Variants in CYB5B observed in about 807,000 individuals in gnomAD.
The protein encoded by CYB5B is cytochrome b5 type B (outer mitochondrial membrane).
CYB5B carries 14 observed loss-of-function variants against 21.3 expected under a neutral mutation model. The ratio of observed to expected loss-of-function variants is 0.66; its 90% CI spans 0.43 to 1.03. The LOEUF (loss-of-function observed/expected upper bound fraction) is 1.03, where lower values mean the gene tolerates loss of function less well. Among genes scored for constraint, CYB5B ranks in the 50% least tolerant of loss-of-function variants. CYB5B has a pLI of 0.00. For synonymous variants in CYB5B, 69 were observed against 68.4 expected (o/e 1.01, Z -0.04); for missense variants, 166 against 185.1 (o/e 0.90, Z 0.60).
At chr16:69,457,843 G>A (rs1169974576) in intron 3 of CYB5B, among the ~76,000 whole-genome samples, 2 of 152,172 alleles carry the variant, frequency 1.3e-5, no homozygotes, top group Non-Finnish European at 2.9e-5. Flanking sequence ...TTGGATATAT[G>A]AAATTAAAAC....
chr16:69,440,539 T>C (rs1219399721), intron 1 of CYB5B, among the ~76,000 whole-genome samples: 1 of 152,180 alleles, frequency 6.6e-6, no homozygotes, highest in African/African-American at 2.4e-5. Flanking sequence ...AATTTCACAG[T>C]ATATATTCTT....
At chr16:69,454,693 C>T (rs909466922) in intron 3 of CYB5B, among the ~76,000 whole-genome samples, 2 of 152,156 alleles carry the variant, frequency 1.3e-5, no homozygotes, top group African/African-American at 4.8e-5. Flanking sequence ...CCTAAATACC[C>T]ATTACATTTG....
At chr16:69,431,394 A>G (rs2014703918) in intron 1 of CYB5B, among the ~76,000 whole-genome samples, 1 of 152,242 alleles carries the variant, frequency 6.6e-6, no homozygotes, top group African/African-American at 2.4e-5. Context: ...GTTAAGTTCT[A>G]TATAGTAGTA....
intron 1 of CYB5B, among the ~76,000 whole-genome samples, chr16:69,439,370 C>T (rs1290287524): frequency 6.6e-6 from 1 of 151,848 alleles, no homozygotes; most frequent in Non-Finnish European, 1.5e-5. Context: ...GCCATCAGGC[C>T]CAGCTAATTT....
Position 69,431,721 on chromosome 16 carries a change from G to A in CYB5B, c.174+6864G>A, listed in dbSNP as rs376576389. Among the ~76,000 whole-genome samples the A allele has an allele frequency of 2.4e-3, 360 of 152,162 alleles. 4 individuals carry two copies. In the Middle Eastern group the frequency reaches 0.041, roughly 17 times the overall value. On this transcript the variant is annotated intron_variant, in intron 1 of 4. Transcript: ENST00000307892. ...CAGGACATCGAGGCTGCAGTGAGCCGAGATAGCACTACTGCACTCCAGCCT... is the reference window on the plus strand; with the variant it reads ...CAGGACATCGAGGCTGCAGTGAGCCAAGATAGCACTACTGCACTCCAGCCT...
chr16:69,464,973 G>A lies in CYB5B; in HGVS notation c.*2453G>A, dbSNP rs1378368998. ...GGTGAAAGCTAAATCTTGTGTGAGA[G>A]TTTGCAGAGGTTTTTCTATACAATA... On this transcript the variant is annotated 3_prime_UTR_variant, in exon 5 of 5. Coordinates refer to ENST00000307892, the MANE Select transcript of CYB5B (RefSeq NM_030579.3). 6.6e-6 allele frequency: 1 copy of A among 152,562 alleles called. No homozygotes were observed. The highest frequency in any genetic ancestry group is 2.4e-5 in the African/African-American group (1 of 41,466). The allele number at this position is 152,562 out of a possible 1,614,324, so 9.5% of individuals were successfully genotyped here. A position where few individuals can be genotyped will look rare whatever the true frequency, so the allele number is the denominator to read the frequency against.
intron 1 of CYB5B, among the ~76,000 whole-genome samples, chr16:69,442,690 A>G (rs2014836403): frequency 6.6e-6 from 1 of 151,912 alleles, no homozygotes; most frequent in African/African-American, 2.4e-5. Context: ...TTTAATTTTT[A>G]AAATTTTTTT....
In CYB5B at chr16:69,464,765, C is replaced by T. The variant is rs1316865794; in HGVS notation, c.*2245C>T. 1.3e-5 allele frequency: 2 copies of T among 152,624 alleles called. No homozygotes were observed. The highest frequency in any genetic ancestry group is 2.9e-5 in the Non-Finnish European group (2 of 68,038). 9.5% of individuals were successfully genotyped at this position (152,624 alleles called of 1,614,324 possible). A position where few individuals can be genotyped will look rare whatever the true frequency, so the allele number is the denominator to read the frequency against. On this transcript the variant is annotated 3_prime_UTR_variant, in exon 5 of 5. Transcript: ENST00000307892. ...CACATTGGTTTTCTTTTCCTGTTTA[C>T]ATCTGCACTTGTTTTTTGCTGAGAG...
Position 69,464,687 on chromosome 16 carries a change from G to GT in CYB5B, c.*2172dup, listed in dbSNP as rs2015070138. Reference sequence around the variant, plus strand: ...AACTACCATCTTAAGTAAAATTGGTGTTTTTGTTATTTTTAAGGTAAATGC... The same window carrying GT: ...AACTACCATCTTAAGTAAAATTGGTGTTTTTTGTTATTTTTAAGGTAAATGC... On this transcript the variant is annotated 3_prime_UTR_variant, in exon 5 of 5. Transcript: ENST00000307892. The GT allele has an allele frequency of 6.6e-6, 1 of 152,634 alleles. No homozygotes were observed. The highest frequency in any genetic ancestry group is 2.1e-4 in the South Asian group (1 of 4,834). 9.5% of individuals were successfully genotyped at this position (152,634 alleles called of 1,614,324 possible).
intron 1 of CYB5B, among the ~76,000 whole-genome samples, chr16:69,434,594 T>C (rs183576531): frequency 2.0e-5 from 3 of 152,098 alleles, no homozygotes; most frequent in African/African-American, 7.2e-5. Context: ...GGCCAGGTGC[T>C]GTGGCTCACG....
chr16:69,447,127 C>T, intron 1 of CYB5B, 23 bp from the exon 2 acceptor site: 1 of 1,610,948 alleles, frequency 6.2e-7, no homozygotes, highest in Non-Finnish European at 8.5e-7. Flanking sequence ...ACCCTCGGTT[C>T]AGTAAATATC....
At chr16:69,456,308 A>G (rs2014983606) in intron 3 of CYB5B, among the ~76,000 whole-genome samples, 1 of 152,082 alleles carries the variant, frequency 6.6e-6, no homozygotes, top group Non-Finnish European at 1.5e-5. Context: ...GCCCAGCCCT[A>G]CTTATTTATT....
chr16:69,439,170 C>T (rs1453705393), intron 1 of CYB5B, among the ~76,000 whole-genome samples: 1 of 152,076 alleles, frequency 6.6e-6, no homozygotes, highest in Non-Finnish European at 1.5e-5. Context: ...TCAACCTTTC[C>T]TTTGCATGTG....
At chr16:69,460,288 G>T (rs954046860) in intron 4 of CYB5B, among the ~76,000 whole-genome samples, 1 of 151,316 alleles carries the variant, frequency 6.6e-6, no homozygotes, top group Non-Finnish European at 1.5e-5. Flanking sequence ...CTTAAGCAAA[G>T]CATAAAACTG....
intron 1 of CYB5B, among the ~76,000 whole-genome samples, chr16:69,440,904 C>G (rs1000204390): frequency 6.6e-6 from 1 of 151,818 alleles, no homozygotes; most frequent in African/African-American, 2.4e-5. Context: ...AGCGATCCTT[C>G]CACCTTGGCC....
chr16:69,437,033 A>G (rs1184722536), intron 1 of CYB5B, among the ~76,000 whole-genome samples: 3 of 152,192 alleles, frequency 2.0e-5, no homozygotes, highest in African/African-American at 7.2e-5. Flanking sequence ...GATTTCCCCT[A>G]CTATCACATA....
intron 3 of CYB5B, 92 bp downstream of exon 3, chr16:69,448,236 C>G: frequency 7.0e-7 from 1 of 1,430,872 alleles, no homozygotes; most frequent in Non-Finnish European, 9.7e-7. Flanking sequence ...AGAGAAGTTA[C>G]AAAGTATTTA....
chr16:69,434,231 G>C (rs2014735877), intron 1 of CYB5B, among the ~76,000 whole-genome samples: 1 of 152,072 alleles, frequency 6.6e-6, no homozygotes, highest in East Asian at 1.9e-4. Context: ...TGATTTCATT[G>C]TGTGAACATA....
chr16:69,426,121 C>A (rs545656896), intron 1 of CYB5B, among the ~76,000 whole-genome samples: 2 of 152,154 alleles, frequency 1.3e-5, no homozygotes, highest in East Asian at 3.9e-4. Flanking sequence ...GCTTTCCGGT[C>A]GGGCGCGGTG....
Sources: gnomAD v4.1 joint callset for allele counts (sites outside exome capture counted in the v4.1 genomes callset) on GRCh38, gnomAD v4.1.1 for gene constraint, MANE v1.5 for transcripts, NCBI Gene and HGNC (gene_info 2026-07-23, HGNC 2026-07-21) for gene names.